Variants in CNOT4 observed in about 807,000 individuals in gnomAD.
CNOT4 encodes CCR4-NOT transcription complex subunit 4.
A neutral mutation model predicts 73.8 loss-of-function variants in CNOT4; 8 were observed. The ratio of observed to expected loss-of-function variants is 0.11; its 90% CI spans 0.06 to 0.20. The LOEUF (loss-of-function observed/expected upper bound fraction) is 0.20. Among genes scored for constraint, CNOT4 ranks in the 10% least tolerant of loss-of-function variants. CNOT4 has a pLI of 1.00. For synonymous variants in CNOT4, 293 were observed against 321.1 expected (o/e 0.91, Z 0.94); for missense variants, 564 against 883.4 (o/e 0.64, Z 4.58).
At chr7:135,501,000 T>TTTTG in intron 1 of CNOT4, among the ~76,000 whole-genome samples, 1 of 151,206 alleles carries the variant, frequency 6.6e-6, no homozygotes. Context: ...TTTTTTTTTT[T>TTTTG]GGAGACAGAG....
At chr7:135,450,526 G>C (rs986707669) in intron 1 of CNOT4, among the ~76,000 whole-genome samples, 1 of 152,112 alleles carries the variant, frequency 6.6e-6, no homozygotes, top group African/African-American at 2.4e-5. Flanking sequence ...GCTAATTTTT[G>C]TATTTTTGGT....
chr7:135,397,445 C>T (rs1019135373), intron 8 of CNOT4, among the ~76,000 whole-genome samples: 1 of 152,044 alleles, frequency 6.6e-6, no homozygotes, highest in Admixed American at 6.6e-5. Context: ...CATTCTTTTA[C>T]AAAATGTGTC....
At chr7:135,502,235 A>G (rs912804297) in intron 1 of CNOT4, among the ~76,000 whole-genome samples, 13 of 152,236 alleles carry the variant, frequency 8.5e-5, no homozygotes, top group African/African-American at 3.1e-4. Flanking sequence ...TTCCCTATAT[A>G]GAACGTACAT....
At chr7:135,454,460 C>T (rs1404331259) in intron 1 of CNOT4, among the ~76,000 whole-genome samples, 1 of 151,630 alleles carries the variant, frequency 6.6e-6, no homozygotes, top group African/African-American at 2.4e-5. Context: ...TAAAGACCAG[C>T]CTGGGCAATA....
At chr7:135,452,985 T>C (rs943004782) in intron 1 of CNOT4, among the ~76,000 whole-genome samples, 1 of 152,228 alleles carries the variant, frequency 6.6e-6, no homozygotes, top group Admixed American at 6.5e-5. Context: ...GAATTGCCTA[T>C]ATCAATTTAT....
chr7:135,370,139 C>A (rs926142252), intron 10 of CNOT4, among the ~76,000 whole-genome samples: 4 of 152,154 alleles, frequency 2.6e-5, no homozygotes, highest in African/African-American at 9.7e-5. Context: ...TAATGCAAGA[C>A]ACACCAATAC....
intron 7 of CNOT4, among the ~76,000 whole-genome samples, chr7:135,401,691 A>C (rs2129483693): frequency 6.6e-6 from 1 of 152,312 alleles, no homozygotes; most frequent in South Asian, 2.1e-4. Context: ...TCTATCCTCA[A>C]GGATAGAAAC....
chr7:135,461,293 G>C (rs796210331), intron 1 of CNOT4, among the ~76,000 whole-genome samples: 6 of 151,974 alleles, frequency 3.9e-5, no homozygotes, highest in African/African-American at 1.4e-4. Context: ...AGTCTAGTGT[G>C]CAAAAAAGAA....
rs961585539 is a variant in CNOT4 at position 135,362,573 on chromosome 7, G to C, written c.*312C>G. On this transcript the variant is annotated 3_prime_UTR_variant, in exon 12 of 12. Coordinates refer to ENST00000541284, the MANE Select transcript of CNOT4 (RefSeq NM_001190850.2). ...TAAGCAGATTATGTCATTATTATGC[G>C]CAACAGACAAACAATAATTTTCTAA... 2.2e-6 allele frequency: 1 copy of C among 464,348 alleles called. No homozygotes were observed. The highest frequency in any genetic ancestry group is 2.0e-5 in the African/African-American group (1 of 50,632). The allele number at this position is 464,348 out of a possible 1,614,324, so 28.8% of individuals were successfully genotyped here. A position where few individuals can be genotyped will look rare whatever the true frequency, so the allele number is the denominator to read the frequency against.
intron 10 of CNOT4, among the ~76,000 whole-genome samples, chr7:135,376,073 G>A (rs895805817): frequency 2.6e-5 from 4 of 151,740 alleles, no homozygotes; most frequent in Non-Finnish European, 4.4e-5. Flanking sequence ...GTCAGTGGGT[G>A]ACGTGTAGGG....
In CNOT4 at chr7:135,371,565, T is replaced by G. The variant is rs1178595730; in HGVS notation, c.1628-7499A>C. 2.0e-5 allele frequency among the ~76,000 whole-genome samples: 3 copies of G among 152,148 alleles called. No homozygotes were observed. In the East Asian group the frequency reaches 5.8e-4, roughly 29 times the overall value. The stretch of plus-strand genomic sequence containing the variant: ...AAAATACAGTGGGAACATTTCAAAA[T>G]ATAAGTAGATGTGTTTGGCATAATG... On this transcript the variant is annotated intron_variant, in intron 10 of 11. Coordinates refer to ENST00000541284, the MANE Select transcript of CNOT4 (RefSeq NM_001190850.2).
chr7:135,406,460 G>C (rs1457560993), intron 7 of CNOT4, among the ~76,000 whole-genome samples: 4 of 151,776 alleles, frequency 2.6e-5, no homozygotes, highest in Non-Finnish European at 4.4e-5. Flanking sequence ...AGGAGTTTGA[G>C]ACCAGCCTGG....
At position 135,396,568 on chromosome 7, in the gene CNOT4, G is replaced by A. The variant is rs1348863378; in HGVS notation, c.880-685C>T. ...AGAAATACATGGATTGGTGATAAGA[G>A]AGAAACTGACTGTAATGGCTAGATT... On this transcript the variant is annotated intron_variant, in intron 8 of 11. Coordinates refer to ENST00000541284, the MANE Select transcript of CNOT4 (RefSeq NM_001190850.2). Among the ~76,000 whole-genome samples the A allele has an allele frequency of 3.9e-5, 6 of 152,296 alleles. No homozygotes were observed. The South Asian group carries it at 1.2e-3, about 32-fold the overall frequency.
At chr7:135,415,033 C>T (rs1035816454) in intron 4 of CNOT4, 143 bp downstream of exon 4, 3 of 623,502 alleles carry the variant, frequency 4.8e-6, no homozygotes, top group Non-Finnish European at 8.6e-6. Flanking sequence ...AAAAATCCCC[C>T]ACCCCACCAA....
chr7:135,440,061 C>G (rs950610034), intron 1 of CNOT4, among the ~76,000 whole-genome samples: 13 of 149,508 alleles, frequency 8.7e-5, no homozygotes, highest in African/African-American at 3.0e-4. Context: ...AATTCAGAAG[C>G]CATAAAAGGA....
chr7:135,421,560 A>C (rs921176384), intron 3 of CNOT4, among the ~76,000 whole-genome samples: 1 of 152,128 alleles, frequency 6.6e-6, no homozygotes, highest in Non-Finnish European at 1.5e-5. Context: ...GAGAAAAAAG[A>C]GGTACTAAGA....
rs182849003 is a variant in CNOT4, at chr7:135,446,085, T to C, written c.-92-7662A>G. ...TCTATATAGATGGGGTCTCCCTGTG[T>C]TGCAAAGGCTGGTCTTGAACTCCGG... On this transcript the variant is annotated intron_variant, in intron 1 of 11. Transcript: ENST00000541284. Among the ~76,000 whole-genome samples the C allele has an allele frequency of 2.2e-4, 33 of 152,192 alleles. No individual in the cohort carries two copies. In the East Asian group the frequency reaches 5.0e-3, roughly 23 times the overall value.
At chr7:135,468,498 T>C (rs867995469) in intron 1 of CNOT4, among the ~76,000 whole-genome samples, 3 of 151,858 alleles carry the variant, frequency 2.0e-5, no homozygotes, top group Non-Finnish European at 2.9e-5. Flanking sequence ...CTGGCCAACA[T>C]GGCAAAACCC....
chr7:135,414,590 C>G (rs1797750161), intron 4 of CNOT4, among the ~76,000 whole-genome samples, 158 bp from the exon 5 acceptor site: 2 of 151,988 alleles, frequency 1.3e-5, no homozygotes, highest in Non-Finnish European at 1.5e-5. Context: ...AAACACTAAA[C>G]TAGCTCATTT....
Sources: gnomAD v4.1 joint callset for allele counts (sites outside exome capture counted in the v4.1 genomes callset) on GRCh38, gnomAD v4.1.1 for gene constraint, MANE v1.5 for transcripts, NCBI Gene and HGNC (gene_info 2026-07-23, HGNC 2026-07-21) for gene names.